The following CDC42EP4 variants were observed in gnomAD, a reference collection of about 807,000 sequenced individuals.
CDC42EP4 encodes CDC42 effector protein 4.
In CDC42EP4, 6 loss-of-function variants were observed where a neutral mutation model predicts 5.6. The ratio of observed to expected loss-of-function variants is 1.07; its 90% CI spans 0.59 to 2.12. The LOEUF is 2.12. Among genes scored for constraint, CDC42EP4 ranks in the 30% most tolerant of loss-of-function variants. CDC42EP4 has a pLI of 0.00. For synonymous variants in CDC42EP4, 230 were observed against 224.2 expected (o/e 1.03, Z -0.23); for missense variants, 490 against 508.6 (o/e 0.96, Z 0.35).
chr17:73,299,462 C>T lies in CDC42EP4; in HGVS notation c.-113+12431G>A, dbSNP rs1317430423. The stretch of plus-strand genomic sequence containing the variant: ...AAAAAAATACACACACACACACACA[C>T]ACACACACACACACACATTTTTAGT... On this transcript the variant is annotated intron_variant, in intron 1 of 1. Transcript: ENST00000335793. Among the ~76,000 whole-genome samples the T allele has an allele frequency of 1.1e-4, 17 of 150,998 alleles. 1 individual carries two copies. In the South Asian group the frequency reaches 1.3e-3, roughly 11 times the overall value.
Position 73,284,586 on chromosome 17 carries a change from AGAG to A in CDC42EP4, c.*841_*843del. On this transcript the variant is annotated 3_prime_UTR_variant, in exon 2 of 2. Coordinates refer to ENST00000335793, the MANE Select transcript of CDC42EP4 (RefSeq NM_012121.5). ...CGCTAATCGCCACTGTGAATTTTGA[AGAG>A]GAGGCTTAGTATAAAGGTTTTCTAA... 1 of 152,274 alleles carries A rather than the reference AGAG, an allele frequency of 6.6e-6. No homozygotes were observed. Among genetic ancestry groups the A allele is most frequent in the Non-Finnish European group, 1.5e-5 (1 of 67,990 alleles). The allele number at this position is 152,274 out of a possible 1,614,324, so 9.4% of individuals were successfully genotyped here.
At chr17:73,305,921 C>T (rs2062242577) in intron 1 of CDC42EP4, among the ~76,000 whole-genome samples, 1 of 152,136 alleles carries the variant, frequency 6.6e-6, no homozygotes, top group Non-Finnish European at 1.5e-5. Context: ...GGAAGGGTCC[C>T]CCAAGCTGCT....
chr17:73,307,903 G>A (rs1214646096), intron 1 of CDC42EP4, among the ~76,000 whole-genome samples: 1 of 150,916 alleles, frequency 6.6e-6, no homozygotes, highest in Admixed American at 6.6e-5. Context: ...CACCATGCCC[G>A]GCTAATTTTT....
rs114835903 is a variant in CDC42EP4 at position 73,290,275 on chromosome 17, G to A, written c.-112-3663C>T. Among the ~76,000 whole-genome samples, 970 of 152,302 alleles carry A rather than the reference G, an allele frequency of 6.4e-3. 10 individuals carry two copies. The highest frequency in any genetic ancestry group is 0.022 in the African/African-American group (914 of 41,554). ...GGTCTTTGAGTCCAGAGCTCTCTCC[G>A]CTCCACTCCAGGCCCTTCTCCAGCT... On this transcript the variant is annotated intron_variant, in intron 1 of 1. Transcript: ENST00000335793.
intron 1 of CDC42EP4, among the ~76,000 whole-genome samples, chr17:73,291,592 C>T (rs988074723): frequency 2.6e-5 from 4 of 152,070 alleles, no homozygotes; most frequent in Non-Finnish European, 5.9e-5. Context: ...TGGCTTTGGG[C>T]GGGGCTTTCA....
rs756460986 is a variant in CDC42EP4 at position 73,285,465 on chromosome 17, T to C, written c.1036A>G (p.Met346Val). The C allele has an allele frequency of 1.6e-5, 25 of 1,573,590 alleles. No individual in the cohort carries two copies. In the South Asian group the frequency reaches 2.6e-4, roughly 16 times the overall value. Residue 346 changes from methionine (M) to valine (V), a missense_variant, in exon 2 of 2, where the codon ATG becomes GTG. Coordinates refer to ENST00000335793, the MANE Select transcript of CDC42EP4 (RefSeq NM_012121.5). The surrounding 1 kb of genome is among the most constrained non-coding windows in gnomAD (Gnocchi z 6.8). ...SRQPDKEFSF[M>V]DEEEEDEIRV Reference sequence around the variant, plus strand: ...ATTTCATCCTCCTCCTCCTCATCCATGAAGGAGAACTCCTTGTCTGGCTGT... The same window carrying C: ...ATTTCATCCTCCTCCTCCTCATCCACGAAGGAGAACTCCTTGTCTGGCTGT...
intron 1 of CDC42EP4, among the ~76,000 whole-genome samples, chr17:73,305,817 C>A (rs1264478630): frequency 1.3e-5 from 2 of 152,168 alleles, no homozygotes; most frequent in Non-Finnish European, 2.9e-5. Context: ...CTGAGAGCAC[C>A]TAATTCAAAA....
At chr17:73,294,815 T>C (rs890230247) in intron 1 of CDC42EP4, among the ~76,000 whole-genome samples, 2 of 152,204 alleles carry the variant, frequency 1.3e-5, no homozygotes, top group South Asian at 4.1e-4. Context: ...TTTCTTTTTC[T>C]TTCTTTTTTT....
At chr17:73,307,252 G>T (rs2062248334) in intron 1 of CDC42EP4, 1 of 152,264 alleles carries the variant, frequency 6.6e-6, no homozygotes. Context: ...CCTGGCAAGG[G>T]AGGGCTTTGG....
Position 73,309,158 on chromosome 17 carries a change from G to A in CDC42EP4, c.-113+2735C>T, listed in dbSNP as rs1042727873. Among the ~76,000 whole-genome samples the A allele has an allele frequency of 3.3e-5, 5 of 151,168 alleles. No individual in the cohort carries two copies. The South Asian group carries it at 1.0e-3, about 32-fold the overall frequency. On this transcript the variant is annotated intron_variant, in intron 1 of 1. Coordinates refer to ENST00000335793, the MANE Select transcript of CDC42EP4 (RefSeq NM_012121.5). The stretch of plus-strand genomic sequence containing the variant: ...AGCTCAGGAGTTCAAGACCAGCCTG[G>A]GCAACATGGTGAAACCCCACCTCTA...
intron 1 of CDC42EP4, among the ~76,000 whole-genome samples, chr17:73,308,773 G>A (rs1484060648): frequency 6.6e-6 from 1 of 151,896 alleles, no homozygotes; most frequent in African/African-American, 2.4e-5. Context: ...AGTGGTTTAC[G>A]CCTGTAATCC....
intron 1 of CDC42EP4, among the ~76,000 whole-genome samples, chr17:73,301,748 C>T (rs1193436920): frequency 2.0e-5 from 3 of 148,232 alleles, no homozygotes; most frequent in East Asian, 4.0e-4. Context: ...TCTGTATTGC[C>T]GAGACTGGAG....
rs1177201776 is a variant in CDC42EP4, at chr17:73,286,159, C to T, written c.342G>A (p.Lys114=). ...GSLRDSALFV[K]NAMSLPQLNE... ...TGAGCTGGGGCAGGGACATGGCATTCTTGACAAACAGGGCCGAGTCCCGCA... is the reference window on the plus strand; with the variant it reads ...TGAGCTGGGGCAGGGACATGGCATTTTTGACAAACAGGGCCGAGTCCCGCA... Residue 114 remains lysine, a synonymous_variant, in exon 2 of 2, where the codon AAG becomes AAA. Transcript: ENST00000335793. The surrounding 1 kb of genome is among the most constrained non-coding windows in gnomAD (Gnocchi z 7.7). The T allele has an allele frequency of 1.2e-6, 2 of 1,613,988 alleles. No individual in the cohort carries two copies. Among genetic ancestry groups the T allele is most frequent in the Non-Finnish European group, 1.7e-6 (2 of 1,180,044 alleles).
In CDC42EP4 at chr17:73,285,455, T is replaced by TC; in HGVS notation, c.1045dup (p.Glu349GlyfsTer5). Reference sequence around the variant, plus strand: ...TCACACACGGATTTCATCCTCCTCCTCCTCATCCATGAAGGAGAACTCCTT... The same window carrying TC: ...TCACACACGGATTTCATCCTCCTCCTCCCTCATCCATGAAGGAGAACTCCTT... On this transcript the variant is annotated frameshift_variant, in exon 2 of 2. Transcript: ENST00000335793. LOFTEE classifies it high-confidence loss of function. The surrounding 1 kb of genome is among the most constrained non-coding windows in gnomAD (Gnocchi z 6.8). The TC allele has an allele frequency of 6.4e-7, 1 of 1,565,982 alleles. No individual in the cohort carries two copies. The highest frequency in any genetic ancestry group is 1.2e-5 in the South Asian group (1 of 86,084).
chr17:73,305,181 TCA>T (rs2062238651), intron 1 of CDC42EP4, among the ~76,000 whole-genome samples: 1 of 152,136 alleles, frequency 6.6e-6, no homozygotes, highest in Non-Finnish European at 1.5e-5. Flanking sequence ...TCCGGCAACT[TCA>T]CTTGATTACA....
At position 73,307,762 on chromosome 17, in the gene CDC42EP4, T is replaced by C. The variant is rs1484135474; in HGVS notation, c.-113+4131A>G. 5.6e-3 allele frequency among the ~76,000 whole-genome samples: 253 copies of C among 44,914 alleles called. 3 individuals carry two copies. Among genetic ancestry groups the C allele is most frequent in the African/African-American group, 0.019 (202 of 10,692 alleles). The allele number at this position is 44,914 out of a possible 152,430, so 29.5% of individuals were successfully genotyped here. On this transcript the variant is annotated intron_variant, in intron 1 of 1. Coordinates refer to ENST00000335793, the MANE Select transcript of CDC42EP4 (RefSeq NM_012121.5). ...CACGCCTGGCCCTGAATTTCTCTCT[T>C]TTTTTTTTTTTTTTTTTTGAGATGG... is the stretch of plus-strand genomic sequence containing the variant.
chr17:73,285,419 C>G lies in CDC42EP4; in HGVS notation c.*11G>C. On this transcript the variant is annotated 3_prime_UTR_variant, in exon 2 of 2. Coordinates refer to ENST00000335793, the MANE Select transcript of CDC42EP4 (RefSeq NM_012121.5). This position sits in a 1 kb window ranked among gnomAD's most constrained non-coding sequence, Gnocchi z 6.8. Reference sequence around the variant, plus strand: ...CAGCCAAGAGCTCCCGGTGGCCACCCACTGTCCGCCTCACACACGGATTTC... The same window carrying G: ...CAGCCAAGAGCTCCCGGTGGCCACCGACTGTCCGCCTCACACACGGATTTC... The G allele has an allele frequency of 6.5e-7, 1 of 1,536,528 alleles. No homozygotes were observed. Among genetic ancestry groups the G allele is most frequent in the South Asian group, 1.2e-5 (1 of 80,830 alleles).
Position 73,286,202 on chromosome 17 carries a change from C to T in CDC42EP4, c.299G>A (p.Arg100His), listed in dbSNP as rs199968361. Residue 100 changes from arginine (R) to histidine (H), a missense_variant, in exon 2 of 2, where the codon CGT (arginine) becomes CAT (histidine). Transcript: ENST00000335793. This position sits in a 1 kb window ranked among gnomAD's most constrained non-coding sequence, Gnocchi z 7.7. ...QSVTRGEREQ[R>H]DMLGSLRDSA... is the part of the protein sequence containing the mutation. ...GTCCCGCAGGGAGCCCAGCATGTCA[C>T]GCTGCTCCCGCTCCCCCCTGGTCAC... is the stretch of plus-strand genomic sequence containing the variant. 13 of 1,614,152 alleles carry T rather than the reference C, an allele frequency of 8.1e-6. No individual in the cohort carries two copies. The highest frequency in any genetic ancestry group is 4.5e-5 in the East Asian group (2 of 44,882).
intron 1 of CDC42EP4, among the ~76,000 whole-genome samples, chr17:73,308,912 C>T (rs1170607716): frequency 6.6e-6 from 1 of 151,476 alleles, no homozygotes; most frequent in Non-Finnish European, 1.5e-5. Flanking sequence ...GTGGCATGCA[C>T]CTATAATCCC....
Sources: gnomAD v4.1 joint callset for allele counts (sites outside exome capture counted in the v4.1 genomes callset) on GRCh38, gnomAD v4.1.1 for gene constraint, Gnocchi (gnomAD v3.1) non-coding constraint, MANE v1.5 for transcripts, NCBI Gene and HGNC (gene_info 2026-07-23, HGNC 2026-07-21) for gene names.